CTNNA2: variants seen among roughly 807,000 people sequenced by gnomAD.
CTNNA2 encodes the protein catenin alpha-2.
A neutral mutation model predicts 101.0 loss-of-function variants in CTNNA2; 42 were observed. The observed-to-expected ratio is 0.42, with a 90% CI of 0.32 to 0.54. The LOEUF (loss-of-function observed/expected upper bound fraction) is 0.54, where lower values mean the gene tolerates loss of function less well. Among genes scored for constraint, CTNNA2 ranks in the 20% least tolerant of loss-of-function variants. CTNNA2 has a pLI of 0.14. For missense variants in CTNNA2, 871 were observed against 1,223.1 expected (o/e 0.71, Z 4.29); for synonymous variants, 450 against 456.4 (o/e 0.99, Z 0.18).
At chr2:80,283,832 G>C (rs1257724240) in intron 7 of CTNNA2, among the ~76,000 whole-genome samples, 2 of 151,992 alleles carry the variant, frequency 1.3e-5, no homozygotes, top group Non-Finnish European at 2.9e-5. Flanking sequence ...GAAGATGGGA[G>C]GGCAAAAGAA....
At chr2:80,121,760 A>G (rs1701848450) in intron 7 of CTNNA2, among the ~76,000 whole-genome samples, 1 of 152,180 alleles carries the variant, frequency 6.6e-6, no homozygotes. Context: ...TTCCAAAGTA[A>G]AATCTAACCC....
At chr2:79,778,342 C>CA (rs57955530) in intron 3 of CTNNA2, among the ~76,000 whole-genome samples, 12,721 of 142,912 alleles carry the variant, frequency 0.089, 815 homozygotes, top group East Asian at 0.39. Context: ...GAGACTCCAT[C>CA]AAAAAAAAAA....
chr2:79,629,505 G>T (rs1229524036), intron 1 of CTNNA2, among the ~76,000 whole-genome samples: 1 of 152,156 alleles, frequency 6.6e-6, no homozygotes, highest in Non-Finnish European at 1.5e-5. Flanking sequence ...TCTAGAGGTG[G>T]TGCTGGTTCT....
chr2:79,480,855 T>G (rs1239815124), intron 4 of CTNNA2, among the ~76,000 whole-genome samples: 1 of 152,186 alleles, frequency 6.6e-6, no homozygotes, highest in African/African-American at 2.4e-5. Context: ...ATCATTAATC[T>G]TGTTTTTTTG....
chr2:79,631,489 G>T (rs959399664), intron 1 of CTNNA2, among the ~76,000 whole-genome samples: 2 of 152,184 alleles, frequency 1.3e-5, no homozygotes, highest in Non-Finnish European at 2.9e-5. Context: ...CCAGGGGGTT[G>T]TTACATACTC....
rs77506847 is a variant in CTNNA2, at chr2:79,275,219, A to G, written c.-405-37490A>G. 7.6e-3 allele frequency among the ~76,000 whole-genome samples: 1,160 copies of G among 151,886 alleles called. 14 individuals carry two copies. Among genetic ancestry groups the G allele is most frequent in the African/African-American group, 0.026 (1,079 of 41,246 alleles). ...AGCTGTGTCAAGACAAAATGACAGC[A>G]TATAGGCTGTGCCCAAAAGAGGTAA... On this transcript the variant is annotated intron_variant, in intron 2 of 21. Transcript: ENST00000466387.
chr2:79,344,906 T>A (rs545917789), intron 3 of CTNNA2, among the ~76,000 whole-genome samples: 109 of 147,380 alleles, frequency 7.4e-4, no homozygotes, highest in African/African-American at 2.5e-3. Context: ...CTTAAATACA[T>A]TTTTGTGAGA....
intron 1 of CTNNA2, among the ~76,000 whole-genome samples, chr2:79,610,665 CTT>C (rs947311892): frequency 9.9e-5 from 15 of 152,112 alleles, no homozygotes; most frequent in African/African-American, 3.6e-4. Context: ...TGTAAAGTAA[CTT>C]TTGACAGAAA....
chr2:79,489,217 T>A (rs1398411959), intron 4 of CTNNA2, among the ~76,000 whole-genome samples: 4 of 152,186 alleles, frequency 2.6e-5, no homozygotes, highest in Non-Finnish European at 1.5e-5. Context: ...TACTCATTAT[T>A]TTCTCTATAA....
At chr2:80,023,132 A>G (rs1195349363) in intron 7 of CTNNA2, among the ~76,000 whole-genome samples, 1 of 152,240 alleles carries the variant, frequency 6.6e-6, no homozygotes, top group Non-Finnish European at 1.5e-5. Context: ...AAAGTGGTCC[A>G]TGACTCAGAA....
chr2:79,967,628 C>A (rs964850320), intron 7 of CTNNA2, among the ~76,000 whole-genome samples: 2 of 152,184 alleles, frequency 1.3e-5, no homozygotes, highest in Non-Finnish European at 2.9e-5. Context: ...ATTTCTCCAA[C>A]AAACAATCCA....
intron 3 of CTNNA2, among the ~76,000 whole-genome samples, chr2:79,817,268 T>C (rs1422043381): frequency 6.6e-6 from 1 of 151,800 alleles, no homozygotes; most frequent in Non-Finnish European, 1.5e-5. Flanking sequence ...GAACTCATTT[T>C]TCTGATAACA....
At position 79,584,676 on chromosome 2, in the gene CTNNA2, C is replaced by G. The variant is rs181618159; in HGVS notation, c.-5-66876C>G. ...AAGGGAGTACAGGCACACACCACCA[C>G]GTCCGGCTAATTTTTATATTTTTAG... On this transcript the variant is annotated intron_variant, in intron 1 of 18. Coordinates refer to ENST00000402739, the MANE Select transcript of CTNNA2 (RefSeq NM_001282597.3). Among the ~76,000 whole-genome samples, 522 of 152,190 alleles carry G rather than the reference C, an allele frequency of 3.4e-3. 1 individual carries two copies. The highest frequency in any genetic ancestry group is 6.1e-3 in the Non-Finnish European group (414 of 68,002).
chr2:80,250,908 A>G (rs1347760135), intron 7 of CTNNA2, among the ~76,000 whole-genome samples: 1 of 152,164 alleles, frequency 6.6e-6, no homozygotes, highest in Non-Finnish European at 1.5e-5. Flanking sequence ...ATTGGTAGGT[A>G]TTAAACTCTC....
At chr2:80,151,792 A>C (rs1386386232) in intron 7 of CTNNA2, among the ~76,000 whole-genome samples, 3 of 152,172 alleles carry the variant, frequency 2.0e-5, no homozygotes, top group Admixed American at 2.0e-4. Context: ...AAGGGTTGCC[A>C]TGCCTGATGT....
At chr2:79,429,465 ATTATT>A (rs1678627742) in intron 4 of CTNNA2, among the ~76,000 whole-genome samples, 1 of 152,182 alleles carries the variant, frequency 6.6e-6, no homozygotes, top group Admixed American at 6.6e-5. Context: ...AATATTGCCT[ATTATT>A]TTATCATCAT....
At chr2:80,472,997 C>A (rs964192591) in intron 9 of CTNNA2, among the ~76,000 whole-genome samples, 1 of 152,086 alleles carries the variant, frequency 6.6e-6, no homozygotes, top group Non-Finnish European at 1.5e-5. Flanking sequence ...TCTGCTGGAC[C>A]CCTTAAAGGC....
chr2:79,888,297 C>A (rs1684044054), intron 6 of CTNNA2, among the ~76,000 whole-genome samples: 1 of 152,216 alleles, frequency 6.6e-6, no homozygotes, highest in South Asian at 2.1e-4. Context: ...ATAGTCTTCA[C>A]TGCTTCCTGA....
chr2:79,312,969 A>G (rs1375383406), intron 3 of CTNNA2, among the ~76,000 whole-genome samples: 1 of 152,184 alleles, frequency 6.6e-6, no homozygotes, highest in East Asian at 1.9e-4. Flanking sequence ...TCTCTTTGCA[A>G]TTAGTGTTTG....
Sources: gnomAD v4.1 joint callset for allele counts (sites outside exome capture counted in the v4.1 genomes callset) on GRCh38, gnomAD v4.1.1 for gene constraint, MANE v1.5 for transcripts, NCBI Gene and HGNC (gene_info 2026-07-23, HGNC 2026-07-21) for gene names.